The following DLG1 variants were observed in gnomAD, a reference collection of about 807,000 sequenced individuals.
DLG1 encodes the protein discs large MAGUK scaffold protein 1.
DLG1 carries 42 observed loss-of-function variants against 123.4 expected under a neutral mutation model. That is an observed-to-expected ratio of 0.34 (90% CI 0.27 to 0.44). The LOEUF is 0.44. DLG1 is among the 20% of genes least tolerant of loss of function. DLG1 has a pLI of 1.00. For synonymous variants in DLG1, 317 were observed against 356.2 expected (o/e 0.89, Z 1.24); for missense variants, 942 against 1,082.6 (o/e 0.87, Z 1.82).
chr3:197,174,509 G>A (rs1264351461), intron 5 of DLG1, among the ~76,000 whole-genome samples: 1 of 152,138 alleles, frequency 6.6e-6, no homozygotes, highest in Non-Finnish European at 1.5e-5. Context: ...GAAAAAAAGT[G>A]ATTAAAATGA....
At chr3:197,236,284 T>C (rs1401093646) in intron 4 of DLG1, among the ~76,000 whole-genome samples, 1 of 151,852 alleles carries the variant, frequency 6.6e-6, no homozygotes, top group Non-Finnish European at 1.5e-5. Context: ...CTGCACTCCA[T>C]CCTGGGCAAC....
chr3:197,266,452 TAA>T (rs1027917894), intron 4 of DLG1, among the ~76,000 whole-genome samples: 1 of 147,000 alleles, frequency 6.8e-6, no homozygotes, highest in African/African-American at 2.5e-5. Context: ...GCCAAAAAAT[TAA>T]AAAAAAAAAT....
At chr3:197,286,659 A>C (rs546879013) in intron 3 of DLG1, among the ~76,000 whole-genome samples, 1 of 152,324 alleles carries the variant, frequency 6.6e-6, no homozygotes, top group South Asian at 2.1e-4. Flanking sequence ...GCAAAGAGTG[A>C]CTACTAATGT....
intron 11 of DLG1, among the ~76,000 whole-genome samples, chr3:197,121,539 G>C (rs1305205875): frequency 6.6e-6 from 1 of 151,952 alleles, no homozygotes; most frequent in Non-Finnish European, 1.5e-5. Context: ...TTTAATGTCG[G>C]CAGAGAAACT....
chr3:197,080,779 A>C (rs1750681330), intron 17 of DLG1: 1 of 245,314 alleles, frequency 4.1e-6, no homozygotes, highest in Admixed American at 5.5e-5. Context: ...ACAAATTTCT[A>C]ATTGGAAATC....
intron 14 of DLG1, 100 bp downstream of exon 14, chr3:197,104,803 A>G: frequency 1.2e-6 from 1 of 821,710 alleles, no homozygotes; most frequent in Non-Finnish European, 2.0e-6. Flanking sequence ...AGCACAAAAA[A>G]GGAAGTTTAG....
At chr3:197,249,610 A>C (rs1753396908) in intron 4 of DLG1, among the ~76,000 whole-genome samples, 1 of 152,172 alleles carries the variant, frequency 6.6e-6, no homozygotes, top group African/African-American at 2.4e-5. Flanking sequence ...GATAAAACAA[A>C]AAAAGAAAAC....
At chr3:197,293,662 T>C (rs1278480965) in intron 3 of DLG1, among the ~76,000 whole-genome samples, 2 of 152,044 alleles carry the variant, frequency 1.3e-5, no homozygotes, top group East Asian at 3.9e-4. Context: ...AAAGTCAATA[T>C]AAACTACCAG....
chr3:197,060,176 T>C (rs1734774126), intron 22 of DLG1, among the ~76,000 whole-genome samples, 178 bp from the exon 23 acceptor site: 1 of 152,258 alleles, frequency 6.6e-6, no homozygotes. Context: ...TGGCTGAATA[T>C]GCATAATTAA....
intron 10 of DLG1, among the ~76,000 whole-genome samples, chr3:197,133,592 G>A (rs1037076801): frequency 1.3e-5 from 2 of 152,188 alleles, no homozygotes; most frequent in Non-Finnish European, 2.9e-5. Context: ...TGATCCCAAA[G>A]TTTTACGCCA....
intron 4 of DLG1, among the ~76,000 whole-genome samples, chr3:197,207,611 A>C (rs1221663267): frequency 3.3e-5 from 5 of 152,326 alleles, no homozygotes; most frequent in African/African-American, 1.2e-4. Context: ...AATCTTCAAC[A>C]AATTTTAAAA....
intron 24 of DLG1, among the ~76,000 whole-genome samples, chr3:197,046,808 T>TCCAGTGAACTGAGATCGCA: frequency 1.3e-5 from 2 of 152,042 alleles, no homozygotes; most frequent in South Asian, 4.2e-4. Flanking sequence ...AGGTGGAGGT[T>TCCAGTGAACTGAGATCGCA]CCAGTGAACT....
chr3:197,069,139 A>C (rs781096074), intron 19 of DLG1, 80 bp downstream of exon 19: 5 of 913,186 alleles, frequency 5.5e-6, no homozygotes, highest in Non-Finnish European at 8.0e-6. Flanking sequence ...TTTTTATAAC[A>C]TATCACTCAG....
intron 18 of DLG1, 103 bp from the exon 19 acceptor site, chr3:197,069,363 A>AT (rs1742001352): frequency 3.0e-6 from 2 of 664,440 alleles, no homozygotes; most frequent in African/African-American, 1.9e-5. Context: ...TAACAAAATA[A>AT]TTTTTTAAAA....
At chr3:197,083,996 T>C (rs1578797558) in intron 16 of DLG1, among the ~76,000 whole-genome samples, 2 of 151,820 alleles carry the variant, frequency 1.3e-5, no homozygotes, top group East Asian at 3.9e-4. Flanking sequence ...TCTACCTACC[T>C]ACCTATCTAC....
intron 5 of DLG1, among the ~76,000 whole-genome samples, chr3:197,178,837 C>T (rs1028231057): frequency 2.0e-5 from 3 of 147,546 alleles, no homozygotes; most frequent in African/African-American, 4.9e-5. Flanking sequence ...AATCTACACT[C>T]ACACAACGAG....
chr3:197,285,361 G>A (rs926265990), intron 3 of DLG1, among the ~76,000 whole-genome samples: 3 of 151,864 alleles, frequency 2.0e-5, no homozygotes, highest in Admixed American at 2.0e-4. Context: ...AGGGTCAGGG[G>A]AGAAAATCTA....
intron 4 of DLG1, among the ~76,000 whole-genome samples, chr3:197,204,323 T>G (rs1301275230): frequency 6.6e-6 from 1 of 152,188 alleles, no homozygotes; most frequent in African/African-American, 2.4e-5. Context: ...CAATTGATAT[T>G]AGATTGCTTG....
chr3:197,198,070 G>A (rs540303468), intron 4 of DLG1, among the ~76,000 whole-genome samples: 1 of 152,096 alleles, frequency 6.6e-6, no homozygotes, highest in South Asian at 2.1e-4. Flanking sequence ...TCGTATCTTG[G>A]ATATGACATT....
Sources: gnomAD v4.1 joint callset for allele counts (sites outside exome capture counted in the v4.1 genomes callset) on GRCh38, gnomAD v4.1.1 for gene constraint, MANE v1.5 for transcripts, NCBI Gene and HGNC (gene_info 2026-07-23, HGNC 2026-07-21) for gene names.